BTBD8: variants seen among roughly 807,000 people sequenced by gnomAD.
The protein encoded by BTBD8 is BTB/POZ domain-containing protein 8.
A neutral mutation model predicts 162.9 loss-of-function variants in BTBD8; 110 were observed. That is an observed-to-expected ratio of 0.68 (90% CI 0.58 to 0.79). The LOEUF is 0.79. Ranked by LOEUF, BTBD8 falls within the 30% of genes least tolerant of loss-of-function variation. The probability of loss-of-function intolerance (pLI) is 0.00; values close to 1 mark genes in which losing one functional copy is unlikely to be tolerated. For synonymous variants in BTBD8, 667 were observed against 716.1 expected (o/e 0.93, Z 1.10); for missense variants, 1,905 against 2,085.4 (o/e 0.91, Z 1.68).
chr1:92,165,691 G>A (rs1158612450), intron 9 of BTBD8, among the ~76,000 whole-genome samples: 3 of 152,040 alleles, frequency 2.0e-5, no homozygotes, highest in Non-Finnish European at 4.4e-5. Flanking sequence ...CTTGCCTGTG[G>A]CGGCTGCATT....
rs1437914731 is a variant in BTBD8 at position 92,181,039 on chromosome 1, A to G, written c.3356A>G (p.His1119Arg). ...DLDSTSAGQI[H>R]LISDRENQVG... ...GACTCAACAAGTGCAGGGCAAATCCATTTGATATCAGATAGGGAGAACCAA... is the reference window on the plus strand; with the variant it reads ...GACTCAACAAGTGCAGGGCAAATCCGTTTGATATCAGATAGGGAGAACCAA... The change falls in exon 17 of 18, where the codon CAT becomes CGT. Residue 1119 changes from histidine to arginine, a missense_variant. Physicochemically the swap from His to Arg is conservative, Grantham distance 29. Coordinates refer to ENST00000636805, the MANE Select transcript of BTBD8 (RefSeq NM_001376131.1). 9 of 1,551,748 alleles carry G rather than the reference A, an allele frequency of 5.8e-6. No individual in the cohort carries two copies. Among genetic ancestry groups the G allele is most frequent in the Admixed American group, 2.0e-5 (1 of 50,992 alleles).
At chr1:92,118,900 G>GTC (rs1649118519) in intron 4 of BTBD8, among the ~76,000 whole-genome samples, 1 of 73,842 alleles carries the variant, frequency 1.4e-5, no homozygotes, top group South Asian at 6.3e-4. Context: ...GTGTGTGTGT[G>GTC]TCTGTGTGTG....
At chr1:92,141,288 A>G in intron 7 of BTBD8, 77 bp downstream of exon 7, 1 of 1,393,966 alleles carries the variant, frequency 7.2e-7, no homozygotes, top group Non-Finnish European at 9.5e-7. Context: ...TAACTCTGAT[A>G]GTAATAGTGC....
intron 5 of BTBD8, among the ~76,000 whole-genome samples, chr1:92,131,074 T>C (rs1649504393): frequency 6.6e-6 from 1 of 152,178 alleles, no homozygotes; most frequent in African/African-American, 2.4e-5. Context: ...TTAATAGCAG[T>C]TCATAAATAA....
chr1:92,095,959 G>C (rs1424005945), intron 2 of BTBD8, among the ~76,000 whole-genome samples: 4 of 151,712 alleles, frequency 2.6e-5, no homozygotes, highest in African/African-American at 9.7e-5. Flanking sequence ...GGTCCTGGTA[G>C]AGTTAATCTT....
intron 6 of BTBD8, among the ~76,000 whole-genome samples, 184 bp from the exon 7 acceptor site, chr1:92,140,931 A>G (rs368217043): frequency 6.6e-6 from 1 of 152,234 alleles, no homozygotes; most frequent in African/African-American, 2.4e-5. Context: ...AGTGCTTTCA[A>G]CTTTTGGCCT....
intron 1 of BTBD8, among the ~76,000 whole-genome samples, chr1:92,085,562 G>A (rs184149936): frequency 9.2e-5 from 14 of 152,152 alleles, no homozygotes; most frequent in South Asian, 4.1e-4. Flanking sequence ...TCAGGAGGCC[G>A]AGGCAGGAGA....
intron 4 of BTBD8, among the ~76,000 whole-genome samples, chr1:92,110,439 C>T (rs1339376045): frequency 6.6e-6 from 1 of 152,204 alleles, no homozygotes; most frequent in Non-Finnish European, 1.5e-5. Context: ...ACTGAGCACT[C>T]ATTGGGCTTA....
At chr1:92,110,754 A>G (rs1292192869) in intron 4 of BTBD8, among the ~76,000 whole-genome samples, 5 of 152,126 alleles carry the variant, frequency 3.3e-5, no homozygotes, top group African/African-American at 1.2e-4. Context: ...TGTGTTTGCC[A>G]GGATGGTCTC....
At chr1:92,099,055 CT>C (rs1648522089) in intron 2 of BTBD8, among the ~76,000 whole-genome samples, 1 of 152,112 alleles carries the variant, frequency 6.6e-6, no homozygotes, top group Non-Finnish European at 1.5e-5. Flanking sequence ...TTGATCTATT[CT>C]GGTGAATTTT....
Position 92,181,329 on chromosome 1 carries a change from G to A in BTBD8, c.3646G>A (p.Glu1216Lys), listed in dbSNP as rs1570762992. 3.2e-6 allele frequency: 5 copies of A among 1,551,422 alleles called. No homozygotes were observed. The highest frequency in any genetic ancestry group is 4.4e-6 in the Non-Finnish European group (5 of 1,146,928). ...AGAAAAAAATTCTCCTAAAAATATG[G>A]AAACATCAGAATCTCCAGAGAGCCA... is the stretch of plus-strand genomic sequence containing the variant. ...LSEKNSPKNM[E>K]TSESPESHET... Residue 1216 changes from glutamate (E) to lysine (K), a missense_variant, in exon 17 of 18, where the codon GAA becomes AAA. Around this residue, in one of 3 missense-constraint regions of BTBD8, gnomAD observed 1,374 missense variants for 1,442.7 expected, o/e 0.95. Coordinates refer to ENST00000636805, the MANE Select transcript of BTBD8 (RefSeq NM_001376131.1).
At chr1:92,118,803 C>CTTTTTTTTTTTTTTTTTTTTTTTTTT (rs386367658) in intron 4 of BTBD8, among the ~76,000 whole-genome samples, 15 of 95,264 alleles carry the variant, frequency 1.6e-4, no homozygotes, top group East Asian at 7.6e-4. Flanking sequence ...TTCTTTCTTT[C>CTTTTTTTTTTTTTTTTTTTTTTTTTT]TTTTTTTTTT....
At chr1:92,141,272 G>A in intron 7 of BTBD8, 61 bp downstream of exon 7, 1 of 1,492,448 alleles carries the variant, frequency 6.7e-7, no homozygotes. Context: ...TTACCTGCTA[G>A]ATTTTTAACT....
chr1:92,117,223 C>T (rs1325941189), intron 4 of BTBD8, among the ~76,000 whole-genome samples: 1 of 151,846 alleles, frequency 6.6e-6, no homozygotes, highest in Admixed American at 6.6e-5. Flanking sequence ...GATTTTTTCC[C>T]TCTTTTAATG....
intron 9 of BTBD8, among the ~76,000 whole-genome samples, chr1:92,150,044 TCAACTCCCTGTA>T (rs1181759409): frequency 1.3e-5 from 2 of 152,220 alleles, no homozygotes; most frequent in East Asian, 1.9e-4. Flanking sequence ...TTGTGTAAGG[TCAACTCCCTGTA>T]ACAAATTTCT....
At position 92,088,894 on chromosome 1, in the gene BTBD8, CA is replaced by C; in HGVS notation, c.347del (p.Gln116ArgfsTer10). 1 of 1,603,488 alleles carries C rather than the reference CA, an allele frequency of 6.2e-7. No homozygotes were observed. Among genetic ancestry groups the C allele is most frequent in the Non-Finnish European group, 8.5e-7 (1 of 1,174,206 alleles). On this transcript the variant is annotated frameshift_variant and splice_region_variant, in exon 2 of 18. Transcript: ENST00000636805. LOFTEE classifies it high-confidence loss of function. ...VEALEFRTFL[Q>X]IIYSSNRNIK... ...AGCTTTAGAATTTAGAACGTTTTTA[CA>C]GTAAGTGCTTTCTTTATCCATGTAA...
intron 2 of BTBD8, among the ~76,000 whole-genome samples, chr1:92,091,914 C>G (rs1183476115): frequency 6.6e-6 from 1 of 152,192 alleles, no homozygotes; most frequent in African/African-American, 2.4e-5. Context: ...CCTCTCCCTT[C>G]TTTTCCTCGG....
At chr1:92,125,560 C>A in intron 4 of BTBD8, 1 of 279,140 alleles carries the variant, frequency 3.6e-6, no homozygotes, top group Non-Finnish European at 7.2e-6. Flanking sequence ...TCCTCCTCCA[C>A]CCAACCCAGT....
At chr1:92,148,206 C>T (rs979161598) in intron 9 of BTBD8, among the ~76,000 whole-genome samples, 2 of 152,132 alleles carry the variant, frequency 1.3e-5, no homozygotes, top group African/African-American at 2.4e-5. Flanking sequence ...TGTAAAAGGC[C>T]GTGCTTTGTT....
Sources: allele counts gnomAD v4.1 joint callset (sites outside exome capture counted in the v4.1 genomes callset), GRCh38; gene constraint gnomAD v4.1.1; regional missense constraint gnomAD v4.1.1; transcripts MANE v1.5; gene names NCBI Gene and HGNC (gene_info 2026-07-23, HGNC 2026-07-21).